DTNB: variants seen among roughly 807,000 people sequenced by gnomAD.
DTNB encodes DTN-B.
In DTNB, 63 loss-of-function variants were observed where a neutral mutation model predicts 90.7. The ratio of observed to expected loss-of-function variants is 0.69; its 90% CI spans 0.57 to 0.86. The LOEUF is 0.86. Among genes scored for constraint, DTNB ranks in the 40% least tolerant of loss-of-function variants. The probability of loss-of-function intolerance (pLI) is 0.00; values close to 1 mark genes in which losing one functional copy is unlikely to be tolerated. For synonymous variants in DTNB, 277 were observed against 286.7 expected (o/e 0.97, Z 0.34); for missense variants, 744 against 807.1 (o/e 0.92, Z 0.95).
intron 12 of DTNB, among the ~76,000 whole-genome samples, chr2:25,448,272 T>C (rs1022169537): frequency 6.6e-6 from 1 of 152,198 alleles, no homozygotes; most frequent in Non-Finnish European, 1.5e-5. Context: ...TTGTCCACCA[T>C]AGTATCCAAT....
intron 11 of DTNB, among the ~76,000 whole-genome samples, chr2:25,452,834 G>A (rs1450447694): frequency 2.0e-5 from 3 of 149,958 alleles, no homozygotes; most frequent in Non-Finnish European, 3.0e-5. Context: ...TCGAGTCTTC[G>A]CCTATGACAT....
chr2:25,452,577 A>C (rs2150134681), intron 11 of DTNB, among the ~76,000 whole-genome samples: 1 of 152,282 alleles, frequency 6.6e-6, no homozygotes, highest in Non-Finnish European at 1.5e-5. Flanking sequence ...CCTTGATCAG[A>C]GTTTGGCAGT....
At position 25,555,078 on chromosome 2, in the gene DTNB, C is replaced by T. The variant is rs370096920; in HGVS notation, c.876+21760G>A. On this transcript the variant is annotated intron_variant, in intron 8 of 20. Coordinates refer to ENST00000406818, the MANE Select transcript of DTNB (RefSeq NM_021907.5). ...TTGGGAGGCCGAGGTGGGCGGATCACGAAGTCAGGAGATCGAGACCATCCT... is the reference window on the plus strand; with the variant it reads ...TTGGGAGGCCGAGGTGGGCGGATCATGAAGTCAGGAGATCGAGACCATCCT... Among the ~76,000 whole-genome samples the T allele has an allele frequency of 5.3e-5, 8 of 151,924 alleles. No homozygotes were observed. The East Asian group carries it at 9.7e-4, about 18-fold the overall frequency.
At chr2:25,513,560 A>T (rs1330581817) in intron 9 of DTNB, among the ~76,000 whole-genome samples, 1 of 152,042 alleles carries the variant, frequency 6.6e-6, no homozygotes, top group Non-Finnish European at 1.5e-5. Flanking sequence ...GTCTCTACTA[A>T]AAATACAAAA....
chr2:25,608,314 C>A (rs2067595188), intron 4 of DTNB, among the ~76,000 whole-genome samples: 1 of 152,066 alleles, frequency 6.6e-6, no homozygotes, highest in Admixed American at 6.5e-5. Flanking sequence ...TCTTTATATA[C>A]AGAAAGATCA....
chr2:25,477,219 T>C lies in DTNB; in HGVS notation c.1079+5577A>G, dbSNP rs2063907378. ...GCACACTTATGAGGCTATAGTATAG[T>C]GTAAGCAAAACTTTTATATGTACTG... On this transcript the variant is annotated intron_variant, in intron 10 of 20. Transcript: ENST00000406818. 2.0e-5 allele frequency among the ~76,000 whole-genome samples: 3 copies of C among 152,214 alleles called. No homozygotes were observed. The South Asian group carries it at 6.2e-4, about 32-fold the overall frequency.
At chr2:25,583,039 T>C (rs972290901) in intron 6 of DTNB, among the ~76,000 whole-genome samples, 5 of 151,980 alleles carry the variant, frequency 3.3e-5, no homozygotes, top group African/African-American at 1.2e-4. Context: ...GGCGGGCAGA[T>C]GGTTTGAGAC....
intron 8 of DTNB, among the ~76,000 whole-genome samples, chr2:25,533,724 G>A (rs1302372943): frequency 6.6e-6 from 1 of 152,182 alleles, no homozygotes; most frequent in Non-Finnish European, 1.5e-5. Context: ...ATCTTGGCAT[G>A]TGCCTTTCCC....
At chr2:25,544,986 T>C (rs1013790229) in intron 8 of DTNB, among the ~76,000 whole-genome samples, 1 of 152,258 alleles carries the variant, frequency 6.6e-6, no homozygotes, top group African/African-American at 2.4e-5. Context: ...ATAGATTAGC[T>C]GGGTAGAGAA....
At chr2:25,631,545 C>A (rs1260895575) in intron 3 of DTNB, among the ~76,000 whole-genome samples, 1 of 150,272 alleles carries the variant, frequency 6.7e-6, no homozygotes, top group East Asian at 1.9e-4. Context: ...TGCACTTCAA[C>A]CTGAGTGACG....
rs113640853 is a variant in DTNB at position 25,632,123 on chromosome 2, A to G, written c.149-3739T>C. Among the ~76,000 whole-genome samples, 596 of 142,106 alleles carry G rather than the reference A, an allele frequency of 4.2e-3. 3 individuals carry two copies. Among genetic ancestry groups the G allele is most frequent in the African/African-American group, 0.015 (578 of 39,004 alleles). 93.2% of individuals were successfully genotyped at this position (142,106 alleles called of 152,430 possible). On this transcript the variant is annotated intron_variant, in intron 3 of 20. Transcript: ENST00000406818. ...GACAGGAGAATCGCTTGAACCTGGGAGGCGAAGTGCAGTAAGCTGAAATCT... is the reference window on the plus strand; with the variant it reads ...GACAGGAGAATCGCTTGAACCTGGGGGGCGAAGTGCAGTAAGCTGAAATCT...
chr2:25,564,443 C>T (rs1467278901), intron 8 of DTNB, among the ~76,000 whole-genome samples: 3 of 152,142 alleles, frequency 2.0e-5, no homozygotes, highest in South Asian at 2.1e-4. Context: ...CACAGTGGTG[C>T]GATCTTGGCT....
intron 14 of DTNB, among the ~76,000 whole-genome samples, chr2:25,432,662 C>T (rs74636681): frequency 0.024 from 3,613 of 152,276 alleles, 152 homozygotes; most frequent in African/African-American, 0.081. Context: ...AGCTGGGAGA[C>T]TGGTATTTAC....
At chr2:25,395,052 A>C (rs1346973684) in intron 16 of DTNB, among the ~76,000 whole-genome samples, 1 of 152,238 alleles carries the variant, frequency 6.6e-6, no homozygotes, top group Non-Finnish European at 1.5e-5. Flanking sequence ...CTCAGCTATA[A>C]AAAAGAATGA....
chr2:25,559,411 C>T (rs554202543), intron 8 of DTNB, among the ~76,000 whole-genome samples: 1 of 152,312 alleles, frequency 6.6e-6, no homozygotes, highest in South Asian at 2.1e-4. Flanking sequence ...AACAACTAGA[C>T]CTCCAGGTGG....
chr2:25,411,259 T>C (rs770899032), intron 16 of DTNB, among the ~76,000 whole-genome samples: 5 of 151,702 alleles, frequency 3.3e-5, no homozygotes, highest in Admixed American at 6.6e-5. Context: ...CTTGGTAGGC[T>C]GAGGCAGGAG....
chr2:25,427,419 T>A, intron 15 of DTNB, 116 bp downstream of exon 15: 1 of 948,804 alleles, frequency 1.1e-6, no homozygotes, highest in Non-Finnish European at 1.5e-6. Context: ...GAAAACTGAT[T>A]CTAGGCTAAA....
intron 9 of DTNB, among the ~76,000 whole-genome samples, chr2:25,487,821 G>A (rs755645577): frequency 2.0e-5 from 3 of 152,170 alleles, no homozygotes; most frequent in African/African-American, 7.2e-5. Context: ...AGCTGGAAAC[G>A]CATGTGGAAA....
chr2:25,412,085 GGTTT>G (rs1196344745), intron 16 of DTNB, among the ~76,000 whole-genome samples: 4 of 152,126 alleles, frequency 2.6e-5, no homozygotes, highest in African/African-American at 7.2e-5. Context: ...TTGTTGCATA[GGTTT>G]GTTTTTCTGA....
Sources: allele counts gnomAD v4.1 joint callset (sites outside exome capture counted in the v4.1 genomes callset), GRCh38; gene constraint gnomAD v4.1.1; transcripts MANE v1.5; gene names NCBI Gene and HGNC (gene_info 2026-07-23, HGNC 2026-07-21).